Variants in GABRA4 observed in about 807,000 individuals in gnomAD.
GABRA4 encodes gamma-aminobutyric acid receptor subunit alpha-4.
Under a neutral mutation model 49.7 loss-of-function variants are expected in GABRA4, and 12 were observed. That is an observed-to-expected ratio of 0.24 (90% CI 0.15 to 0.39). GABRA4 has a LOEUF of 0.39. Ranked by LOEUF, GABRA4 falls within the 10% of genes least tolerant of loss-of-function variation. The probability of loss-of-function intolerance (pLI) is 1.00; values close to 1 mark genes in which losing one functional copy is unlikely to be tolerated. For synonymous variants in GABRA4, 288 were observed against 240.2 expected (o/e 1.20, Z -1.84); for missense variants, 506 against 686.0 (o/e 0.74, Z 2.93).
In GABRA4 at chr4:46,972,508, A is replaced by G. The variant is rs575538090; in HGVS notation, c.722-1273T>C. The stretch of plus-strand genomic sequence containing the variant: ...TATATACAGCTTGATGAGTTTGGAG[A>G]TAAGTATACACTCATTAATCTATCA... On this transcript the variant is annotated intron_variant, in intron 6 of 8. Transcript: ENST00000264318. 2.0e-5 allele frequency among the ~76,000 whole-genome samples: 3 copies of G among 151,712 alleles called. No individual in the cohort carries two copies. The East Asian group carries it at 5.8e-4, about 30-fold the overall frequency.
At position 46,977,496 on chromosome 4, in the gene GABRA4, A is replaced by C; in HGVS notation, c.408T>G (p.Asn136Lys). Residue 136 changes from asparagine to lysine, a missense_variant, in exon 4 of 9, where the codon AAT becomes AAG. This residue lies in a region of GABRA4 where 195 missense variants were observed against 326.0 expected (regional missense o/e 0.60). Transcript: ENST00000264318. ...KVWTPDTFFR[N>K]GKKSVSHNMT... ...TATTATGTGAGACAGATTTCTTTCC[A>C]TTCCTGAAGAAAGTATCAGGGGTCC... 1 of 1,612,408 alleles carries C rather than the reference A, an allele frequency of 6.2e-7. No individual in the cohort carries two copies. Among genetic ancestry groups the C allele is most frequent in the Non-Finnish European group, 8.5e-7 (1 of 1,178,820 alleles).
chr4:46,929,989 G>T (rs942434170), intron 8 of GABRA4, among the ~76,000 whole-genome samples: 2 of 152,092 alleles, frequency 1.3e-5, no homozygotes, highest in South Asian at 4.1e-4. Context: ...AGACATAAAG[G>T]TTTATTCTAC....
chr4:46,989,328 C>T (rs543688793), intron 2 of GABRA4, among the ~76,000 whole-genome samples: 1 of 152,144 alleles, frequency 6.6e-6, no homozygotes, highest in Non-Finnish European at 1.5e-5. Context: ...TATTTTCTGG[C>T]TCCTTTGTGG....
chr4:46,978,196 A>T (rs907337635), intron 3 of GABRA4, among the ~76,000 whole-genome samples: 1 of 152,074 alleles, frequency 6.6e-6, no homozygotes, highest in Non-Finnish European at 1.5e-5. Context: ...AACTGTATGG[A>T]TGAATTCTTC....
chr4:46,970,241 C>A (rs1722903676), intron 7 of GABRA4, among the ~76,000 whole-genome samples: 1 of 151,370 alleles, frequency 6.6e-6, no homozygotes, highest in African/African-American at 2.4e-5. Context: ...TGGCTGTGAT[C>A]CTACTAGGTA....
intron 8 of GABRA4, among the ~76,000 whole-genome samples, chr4:46,956,945 G>A (rs764200626): frequency 2.0e-5 from 3 of 151,896 alleles, no homozygotes; most frequent in Non-Finnish European, 2.9e-5. Flanking sequence ...TTGCCATAGC[G>A]CTAAATAAGT....
chr4:46,933,668 T>C (rs192660073), intron 8 of GABRA4, among the ~76,000 whole-genome samples: 1 of 152,164 alleles, frequency 6.6e-6, no homozygotes, highest in East Asian at 1.9e-4. Flanking sequence ...CTGGGAAGAA[T>C]ATTCACCCAG....
intron 8 of GABRA4, among the ~76,000 whole-genome samples, chr4:46,954,334 A>G (rs1382028970): frequency 1.3e-5 from 2 of 152,038 alleles, no homozygotes; most frequent in Non-Finnish European, 2.9e-5. Flanking sequence ...AGGCTGGTGG[A>G]TCACCTGAGG....
At chr4:46,985,060 T>C (rs1001145605) in intron 2 of GABRA4, among the ~76,000 whole-genome samples, 2 of 151,998 alleles carry the variant, frequency 1.3e-5, no homozygotes, top group Non-Finnish European at 2.9e-5. Flanking sequence ...CTGGTTTCTA[T>C]GCAATGGGAA....
At chr4:46,948,235 C>T (rs1722049637) in intron 8 of GABRA4, among the ~76,000 whole-genome samples, 2 of 152,054 alleles carry the variant, frequency 1.3e-5, no homozygotes, top group Admixed American at 1.3e-4. Flanking sequence ...CTTAAGTCCT[C>T]CACTGAACAT....
intron 8 of GABRA4, among the ~76,000 whole-genome samples, chr4:46,962,387 A>G (rs1722610516): frequency 6.6e-6 from 1 of 151,948 alleles, no homozygotes; most frequent in Non-Finnish European, 1.5e-5. Flanking sequence ...ATACCTAGGA[A>G]TTAACTTTAC....
intron 8 of GABRA4, among the ~76,000 whole-genome samples, chr4:46,945,582 A>T (rs1255174154): frequency 6.6e-6 from 1 of 152,254 alleles, no homozygotes; most frequent in East Asian, 1.9e-4. Flanking sequence ...GTACAGCTGC[A>T]ATGCTATTTA....
intron 5 of GABRA4, among the ~76,000 whole-genome samples, chr4:46,975,459 C>T (rs1285158197): frequency 6.6e-6 from 1 of 151,942 alleles, no homozygotes; most frequent in Non-Finnish European, 1.5e-5. Flanking sequence ...CCCTACCTTG[C>T]TAGAATAACC....
At chr4:46,983,241 T>TA (rs1203340396) in intron 2 of GABRA4, among the ~76,000 whole-genome samples, 1 of 152,138 alleles carries the variant, frequency 6.6e-6, no homozygotes, top group Non-Finnish European at 1.5e-5. Flanking sequence ...TGGAATTTCA[T>TA]ATCTAGAATA....
intron 8 of GABRA4, among the ~76,000 whole-genome samples, chr4:46,938,169 T>C (rs566251891): frequency 5.0e-4 from 76 of 152,262 alleles, no homozygotes; most frequent in Non-Finnish European, 9.3e-4. Flanking sequence ...GCCAAGTAAA[T>C]TCACCTTTAC....
intron 2 of GABRA4, among the ~76,000 whole-genome samples, chr4:46,984,268 C>T (rs1723459598): frequency 6.6e-6 from 1 of 152,024 alleles, no homozygotes; most frequent in African/African-American, 2.4e-5. Context: ...CATGCATCCA[C>T]CATCATCTTA....
intron 2 of GABRA4, among the ~76,000 whole-genome samples, chr4:46,990,256 G>A (rs1211675304): frequency 2.0e-5 from 3 of 152,198 alleles, no homozygotes; most frequent in Non-Finnish European, 4.4e-5. Flanking sequence ...GGTGGGTAAT[G>A]CAGATCATTT....
rs1279321439 is a variant in GABRA4 at position 46,925,356 on chromosome 4, A to C, written c.*2869T>G. 6.6e-6 allele frequency: 1 copy of C among 151,964 alleles called. No individual in the cohort carries two copies. The highest frequency in any genetic ancestry group is 1.5e-5 in the Non-Finnish European group (1 of 67,880). The allele number at this position is 151,964 out of a possible 1,614,324, so 9.4% of individuals were successfully genotyped here. On this transcript the variant is annotated 3_prime_UTR_variant, in exon 9 of 9. Coordinates refer to ENST00000264318, the MANE Select transcript of GABRA4 (RefSeq NM_000809.4). The stretch of plus-strand genomic sequence containing the variant: ...TTTAAAATGTGGATTAATCATGTAA[A>C]TATATGTTTATACCTAGTCATGCCT...
chr4:46,989,260 T>C (rs907996127), intron 2 of GABRA4, among the ~76,000 whole-genome samples: 3 of 152,204 alleles, frequency 2.0e-5, no homozygotes, highest in Non-Finnish European at 2.9e-5. Flanking sequence ...TAGCAATGCA[T>C]TTTTGAGAAA....
Sources: gnomAD v4.1 joint callset for allele counts (sites outside exome capture counted in the v4.1 genomes callset) on GRCh38, gnomAD v4.1.1 for gene constraint, gnomAD v4.1.1 regional missense constraint, MANE v1.5 for transcripts, NCBI Gene and HGNC (gene_info 2026-07-23, HGNC 2026-07-21) for gene names.